ANKRD28: variants seen among roughly 807,000 people sequenced by gnomAD.
The protein encoded by ANKRD28 is serine/threonine-protein phosphatase 6 regulatory ankyrin repeat subunit A.
ANKRD28 carries 44 observed loss-of-function variants against 126.5 expected under a neutral mutation model. That is an observed-to-expected ratio of 0.35 (90% confidence interval 0.27 to 0.45). ANKRD28 has a LOEUF of 0.45. Ranked by LOEUF, ANKRD28 falls within the 20% of genes least tolerant of loss-of-function variation. The pLI is 1.00. For synonymous variants in ANKRD28, 442 were observed against 468.5 expected (o/e 0.94, Z 0.73); for missense variants, 1,110 against 1,316.6 (o/e 0.84, Z 2.43).
intron 4 of ANKRD28, among the ~76,000 whole-genome samples, chr3:15,742,295 C>T (rs371364055): frequency 1.3e-5 from 2 of 150,844 alleles, no homozygotes; most frequent in South Asian, 4.2e-4. Flanking sequence ...AAGTGAGGAG[C>T]GCCTCTTCCC....
At chr3:15,692,008 C>G (rs2068861980) in intron 17 of ANKRD28, among the ~76,000 whole-genome samples, 1 of 150,738 alleles carries the variant, frequency 6.6e-6, no homozygotes, top group African/African-American at 2.5e-5. Context: ...GACCTGGTGG[C>G]ACATGCCTGT....
At chr3:15,764,999 G>A (rs1161561503) in intron 3 of ANKRD28, among the ~76,000 whole-genome samples, 1 of 151,954 alleles carries the variant, frequency 6.6e-6, no homozygotes, top group Non-Finnish European at 1.5e-5. Context: ...ATTATTTAAC[G>A]AAATCTTCAC....
At chr3:15,782,348 A>T (rs890588002) in intron 2 of ANKRD28, among the ~76,000 whole-genome samples, 7 of 152,122 alleles carry the variant, frequency 4.6e-5, no homozygotes, top group African/African-American at 1.7e-4. Context: ...TGCCACTTAC[A>T]TTAGGACAAA....
At chr3:15,698,294 G>C (rs2069988643) in intron 14 of ANKRD28, among the ~76,000 whole-genome samples, 1 of 152,088 alleles carries the variant, frequency 6.6e-6, no homozygotes, top group Admixed American at 6.6e-5. Flanking sequence ...TACTGAATGG[G>C]CAAAAACTGG....
At chr3:15,767,401 A>G (rs1485844682) in intron 2 of ANKRD28, among the ~76,000 whole-genome samples, 3 of 152,132 alleles carry the variant, frequency 2.0e-5, no homozygotes, top group Non-Finnish European at 4.4e-5. Flanking sequence ...GTTTTCCACT[A>G]TGTTCTTCCT....
intron 6 of ANKRD28, among the ~76,000 whole-genome samples, chr3:15,730,183 TTC>T: frequency 6.6e-6 from 1 of 152,240 alleles, no homozygotes; most frequent in East Asian, 1.9e-4. Flanking sequence ...ATTCAGTACC[TTC>T]TGTGTCAAAG....
intron 8 of ANKRD28, among the ~76,000 whole-genome samples, chr3:15,720,308 A>C (rs1575376586): frequency 6.6e-6 from 1 of 152,308 alleles, no homozygotes; most frequent in East Asian, 1.9e-4. Flanking sequence ...AGATCTGTAG[A>C]GTGAACATCC....
At chr3:15,692,399 G>C (rs866420304) in intron 17 of ANKRD28, among the ~76,000 whole-genome samples, 1 of 152,158 alleles carries the variant, frequency 6.6e-6, no homozygotes, top group Admixed American at 6.5e-5. Flanking sequence ...GTAGTGAGCC[G>C]TGATTGTGCC....
In ANKRD28 at chr3:15,685,228, T is replaced by C. The variant is rs199920401; in HGVS notation, c.2387A>G (p.Asn796Ser). 180 of 1,613,722 alleles carry C rather than the reference T, an allele frequency of 1.1e-4. No homozygotes were observed. The highest frequency in any genetic ancestry group is 1.2e-4 in the Non-Finnish European group (146 of 1,179,776). ...GCATTTGTGTTTGTATACTTAACCATTGTAGCAAGCCCAGTGAAGTGCCGT... is the reference window on the plus strand; with the variant it reads ...GCATTTGTGTTTGTATACTTAACCACTGTAGCAAGCCCAGTGAAGTGCCGT... ...GYTALHWACY[N>S]GHETCVELLL... The change falls in exon 21 of 28, where the codon AAT (asparagine) becomes AGT (serine). Residue 796 changes from asparagine to serine, a missense_variant and splice_region_variant. Transcript: ENST00000683139.
intron 2 of ANKRD28, among the ~76,000 whole-genome samples, chr3:15,772,887 G>A (rs1042278565): frequency 2.0e-5 from 3 of 152,040 alleles, no homozygotes; most frequent in African/African-American, 7.2e-5. Flanking sequence ...CAAACTTAGA[G>A]GGGAACTTTC....
Position 15,830,833 on chromosome 3 carries a change from C to T in ANKRD28, c.27+28544G>A, listed in dbSNP as rs2061172963. Among the ~76,000 whole-genome samples the T allele has an allele frequency of 6.6e-6, 1 of 152,048 alleles. No homozygotes were observed. The highest frequency in any genetic ancestry group is 2.1e-4 in the South Asian group (1 of 4,812). On this transcript the variant is annotated intron_variant, in intron 1 of 27. Coordinates refer to the ANKRD28 transcript ENST00000399451. The surrounding 1 kb of genome is among the most constrained non-coding windows in gnomAD (Gnocchi z 4.5). Reference sequence around the variant, plus strand: ...GTGGGACCTTTAAGTCACGGAGTATCAGCTTGACCTCTGGAGGGGATGGAG... The same window carrying T: ...GTGGGACCTTTAAGTCACGGAGTATTAGCTTGACCTCTGGAGGGGATGGAG...
chr3:15,695,859 A>G (rs2125888143), intron 15 of ANKRD28, among the ~76,000 whole-genome samples: 1 of 152,210 alleles, frequency 6.6e-6, no homozygotes, highest in Non-Finnish European at 1.5e-5. Flanking sequence ...CTTATGAGGA[A>G]TATTAATTTA....
At chr3:15,806,789 T>C (rs2060590688) in intron 1 of ANKRD28, among the ~76,000 whole-genome samples, 1 of 152,194 alleles carries the variant, frequency 6.6e-6, no homozygotes, top group East Asian at 1.9e-4. Flanking sequence ...CCCAAAGTGT[T>C]AGGATTACAG....
intron 4 of ANKRD28, among the ~76,000 whole-genome samples, chr3:15,741,645 G>T (rs1286112973): frequency 7.0e-6 from 1 of 142,584 alleles, no homozygotes; most frequent in African/African-American, 2.6e-5. Flanking sequence ...TATTACCATG[G>T]GGTCAGTATA....
chr3:15,692,582 AG>A (rs2068952161), intron 17 of ANKRD28, among the ~76,000 whole-genome samples: 1 of 152,266 alleles, frequency 6.6e-6, no homozygotes, highest in South Asian at 2.1e-4. Context: ...CCAAATGTCC[AG>A]TATGACTAAA....
At chr3:15,835,885 G>A (rs140030471) in intron 1 of ANKRD28, among the ~76,000 whole-genome samples, 1 of 152,276 alleles carries the variant, frequency 6.6e-6, no homozygotes, top group Non-Finnish European at 1.5e-5. Context: ...AAGAAATAAA[G>A]AGCACTGGTA....
rs148572659 is a variant in ANKRD28, at chr3:15,721,475, T to C, written c.784-348A>G. On this transcript the variant is annotated intron_variant, in intron 7 of 27. Transcript: ENST00000683139. ...GGATTTACTATAGAATTAATTATAA[T>C]CATAAAAAATGAACACAAACTGAAG... Among the ~76,000 whole-genome samples, 973 of 152,270 alleles carry C rather than the reference T, an allele frequency of 6.4e-3. 14 individuals carry two copies. Among genetic ancestry groups the C allele is most frequent in the African/African-American group, 0.022 (899 of 41,548 alleles).
chr3:15,778,008 C>G (rs897690201), intron 2 of ANKRD28, among the ~76,000 whole-genome samples: 2 of 152,068 alleles, frequency 1.3e-5, no homozygotes, highest in East Asian at 3.8e-4. Flanking sequence ...TATTCATTCG[C>G]TTCTAACACT....
At chr3:15,803,189 A>T (rs1372127276) in intron 1 of ANKRD28, among the ~76,000 whole-genome samples, 1 of 152,214 alleles carries the variant, frequency 6.6e-6, no homozygotes, top group African/African-American at 2.4e-5. Flanking sequence ...TAAAAACATT[A>T]TGTGGCTTTG....
Sources: gnomAD v4.1 joint callset for allele counts (sites outside exome capture counted in the v4.1 genomes callset) on GRCh38, gnomAD v4.1.1 for gene constraint, Gnocchi (gnomAD v3.1) non-coding constraint, MANE v1.5 for transcripts, NCBI Gene and HGNC (gene_info 2026-07-23, HGNC 2026-07-21) for gene names.